Variants in UEVLD observed in about 807,000 individuals in gnomAD.
UEVLD encodes UEV and lactate/malate dehyrogenase domains, also known as ubiquitin-conjugating enzyme E2 variant 3.
A neutral mutation model predicts 58.6 loss-of-function variants in UEVLD; 47 were observed. That is an observed-to-expected ratio of 0.80 (90% CI 0.63 to 1.02). UEVLD has a LOEUF of 1.02. UEVLD is among the 50% of genes least tolerant of loss of function. The pLI is 0.00. For missense variants in UEVLD, 510 were observed against 550.6 expected (o/e 0.93, Z 0.74); for synonymous variants, 197 against 195.3 (o/e 1.01, Z -0.07).
rs557083139 is a variant in UEVLD at position 18,562,543 on chromosome 11, A to G, written c.612+2349T>C. On this transcript the variant is annotated intron_variant, in intron 6 of 11. Coordinates refer to ENST00000396197, the MANE Select transcript of UEVLD (RefSeq NM_001040697.4). ...GGAGACACAGCGAGACTCCATCTCC[A>G]AAGAAAAAAAAAAAAATTTTTTTTG... 8.9e-4 allele frequency among the ~76,000 whole-genome samples: 135 copies of G among 151,558 alleles called. 1 individual carries two copies. The highest frequency in any genetic ancestry group is 3.1e-3 in the African/African-American group (129 of 41,378).
chr11:18,546,843 C>A (rs747914614), intron 8 of UEVLD, 37 bp downstream of exon 8: 1 of 1,608,190 alleles, frequency 6.2e-7, no homozygotes, highest in Non-Finnish European at 8.5e-7. Flanking sequence ...TACTGATGTA[C>A]TGGACCATCA....
At chr11:18,577,735 G>A (rs2134057938) in intron 2 of UEVLD, among the ~76,000 whole-genome samples, 1 of 152,144 alleles carries the variant, frequency 6.6e-6, no homozygotes, top group South Asian at 2.1e-4. Flanking sequence ...AGCCGGGCAT[G>A]GTGGTGGGTG....
rs1449721548 is a variant in UEVLD, at chr11:18,570,215, T to C, written c.356A>G (p.His119Arg). The C allele has an allele frequency of 1.3e-6, 2 of 1,581,542 alleles. No homozygotes were observed. Among genetic ancestry groups the C allele is most frequent in the African/African-American group, 1.4e-5 (1 of 71,868 alleles). The change falls in exon 4 of 12, where the codon CAT becomes CGT. Residue 119 changes from histidine (H) to arginine (R), a missense_variant and splice_region_variant. By Grantham distance (29) the His-to-Arg change is conservative. Coordinates refer to ENST00000396197, the MANE Select transcript of UEVLD (RefSeq NM_001040697.4). ...GTAGAAAATCCAAATTGATCTTACA[T>C]GGCTCCAGTTTTGGAGATAGGGCAA... ...IYLPYLQNWS[H>R]PKSVIVGLIK...
intron 1 of UEVLD, among the ~76,000 whole-genome samples, chr11:18,585,140 C>T (rs1478752902): frequency 6.6e-6 from 1 of 152,178 alleles, no homozygotes; most frequent in African/African-American, 2.4e-5. Flanking sequence ...ATCTGCCTGT[C>T]TTGGCCTCCC....
In UEVLD at chr11:18,543,428, C is replaced by T. The variant is rs763182074; in HGVS notation, c.1060+1195G>A. On this transcript the variant is annotated intron_variant, in intron 9 of 11. Transcript: ENST00000396197. ...CCCATGAACATGCCATACTTAACTT[C>T]GTGCTTTTGCCTAATTCTGATTTCC... is the stretch of plus-strand genomic sequence containing the variant. 3.9e-5 allele frequency among the ~76,000 whole-genome samples: 6 copies of T among 152,200 alleles called. No homozygotes were observed. The East Asian group carries it at 7.7e-4, about 20-fold the overall frequency.
In UEVLD at chr11:18,534,861, G is replaced by A. The variant is rs901330505; in HGVS notation, c.1125-408C>T. Among the ~76,000 whole-genome samples the A allele has an allele frequency of 5.3e-5, 8 of 152,174 alleles. No individual in the cohort carries two copies. In the East Asian group the frequency reaches 1.3e-3, roughly 26 times the overall value. On this transcript the variant is annotated intron_variant, in intron 10 of 11. Transcript: ENST00000396197. ...CCTTTTAAGAAGAAGATTTGGTAAC[G>A]TCTGATCTAGAAATTCCTCTTCTAG...
intron 4 of UEVLD, among the ~76,000 whole-genome samples, chr11:18,567,294 C>T (rs1049615356): frequency 1.3e-5 from 2 of 152,078 alleles, no homozygotes; most frequent in African/African-American, 4.8e-5. Context: ...TAATAAATCC[C>T]AAATGGTTGT....
intron 1 of UEVLD, among the ~76,000 whole-genome samples, chr11:18,581,277 A>G (rs1340176354): frequency 6.6e-6 from 1 of 152,222 alleles, no homozygotes; most frequent in Admixed American, 6.5e-5. Flanking sequence ...TATGTATACA[A>G]TAGTAAGTAC....
chr11:18,558,813 A>G (rs1409081267), intron 6 of UEVLD, among the ~76,000 whole-genome samples: 5 of 152,054 alleles, frequency 3.3e-5, no homozygotes, highest in Non-Finnish European at 7.4e-5. Context: ...ATGAACTTCA[A>G]TAAGTAATCC....
chr11:18,552,677 C>T (rs1292512547), intron 7 of UEVLD, among the ~76,000 whole-genome samples: 3 of 151,676 alleles, frequency 2.0e-5, no homozygotes, highest in Non-Finnish European at 2.9e-5. Flanking sequence ...GCCTGACCAA[C>T]ATGGTGAAAC....
In UEVLD at chr11:18,586,805, C is replaced by T. The variant is rs932773005; in HGVS notation, c.42+1808G>A. Among the ~76,000 whole-genome samples, 43 of 152,122 alleles carry T rather than the reference C, an allele frequency of 2.8e-4. 1 individual carries two copies. The highest frequency in any genetic ancestry group is 6.2e-4 in the Non-Finnish European group (42 of 68,010). ...TGGTTTCCTTAATTTATACAGCCAA[C>T]AAATACTTATTAATAATAAGCTACC... On this transcript the variant is annotated intron_variant, in intron 1 of 11. Coordinates refer to ENST00000396197, the MANE Select transcript of UEVLD (RefSeq NM_001040697.4).
In UEVLD at chr11:18,532,391, C is replaced by A. The variant is rs763394788; in HGVS notation, c.1345G>T (p.Asp449Tyr). ...CTTTGGAGTTTCTCAGTAACTGTAT[C>A]TTCTTTCAGTGTGGTTTTGATAACT... Reference protein sequence around the residue: ...SEVIKTTLKEDTVTEKLQSSA... With the variant: ...SEVIKTTLKEYTVTEKLQSSA... The change falls in exon 12 of 12, where the codon GAT becomes TAT. Residue 449 changes from aspartate (D) to tyrosine (Y), a missense_variant. Asp to Tyr is a radical substitution (Grantham distance 160). Transcript: ENST00000396197. The A allele has an allele frequency of 1.9e-6, 3 of 1,613,516 alleles. No individual in the cohort carries two copies. The South Asian group carries it at 3.3e-5, about 18-fold the overall frequency.
chr11:18,574,469 G>A (rs1300985688), intron 3 of UEVLD, among the ~76,000 whole-genome samples: 3 of 152,140 alleles, frequency 2.0e-5, no homozygotes, highest in Non-Finnish European at 2.9e-5. Context: ...TGAAATTTCA[G>A]GCACCACTTC....
intron 4 of UEVLD, among the ~76,000 whole-genome samples, chr11:18,566,746 C>G (rs1017426693): frequency 3.9e-5 from 6 of 152,146 alleles, no homozygotes; most frequent in Admixed American, 2.0e-4. Flanking sequence ...AATCATCATA[C>G]ACATTATATG....
At chr11:18,582,016 A>G (rs1041465321) in intron 1 of UEVLD, among the ~76,000 whole-genome samples, 1 of 152,230 alleles carries the variant, frequency 6.6e-6, no homozygotes, top group African/African-American at 2.4e-5. Context: ...TTCAGTGCCC[A>G]TGATTCAGTG....
intron 1 of UEVLD, among the ~76,000 whole-genome samples, chr11:18,588,066 C>T (rs1853673249): frequency 6.6e-6 from 1 of 152,028 alleles, no homozygotes; most frequent in African/African-American, 2.4e-5. Context: ...TTACTTAGTA[C>T]CTATGGTGTT....
intron 6 of UEVLD, among the ~76,000 whole-genome samples, chr11:18,563,297 T>C (rs1852133259): frequency 6.6e-6 from 1 of 151,868 alleles, no homozygotes. Flanking sequence ...TTTTTAAAAT[T>C]ATGTACAACC....
At chr11:18,541,398 G>C (rs1235090878) in intron 9 of UEVLD, among the ~76,000 whole-genome samples, 1 of 152,182 alleles carries the variant, frequency 6.6e-6, no homozygotes, top group Non-Finnish European at 1.5e-5. Context: ...GAATATTTCT[G>C]GAAGATTATA....
intron 9 of UEVLD, among the ~76,000 whole-genome samples, chr11:18,543,445 C>T (rs962875681): frequency 3.9e-5 from 6 of 152,194 alleles, no homozygotes; most frequent in African/African-American, 1.4e-4. Context: ...TTGCCTAATT[C>T]TGATTTCCCA....
Sources: gnomAD v4.1 joint callset for allele counts (sites outside exome capture counted in the v4.1 genomes callset) on GRCh38, gnomAD v4.1.1 for gene constraint, MANE v1.5 for transcripts, NCBI Gene and HGNC (gene_info 2026-07-23, HGNC 2026-07-21) for gene names.